Variants in FBXO16 observed in about 807,000 individuals in gnomAD.
FBXO16 encodes F-box only protein 16.
A neutral mutation model predicts 41.0 loss-of-function variants in FBXO16; 31 were observed. The observed-to-expected ratio is 0.76, with a 90% confidence interval of 0.57 to 1.02. The LOEUF (loss-of-function observed/expected upper bound fraction) is 1.02. Ranked by LOEUF, FBXO16 falls within the 50% of genes least tolerant of loss-of-function variation. The pLI is 0.00. For synonymous variants in FBXO16, 133 were observed against 117.8 expected (o/e 1.13, Z -0.84); for missense variants, 361 against 346.2 (o/e 1.04, Z -0.34).
intron 1 of FBXO16, among the ~76,000 whole-genome samples, chr8:28,485,254 C>G (rs1270604705): frequency 6.6e-6 from 1 of 152,180 alleles, no homozygotes; most frequent in African/African-American, 2.4e-5. Flanking sequence ...CTCACTGCAA[C>G]CTGCACCTCC....
At chr8:28,429,914 C>T (rs1802582235) in intron 7 of FBXO16, among the ~76,000 whole-genome samples, 1 of 152,170 alleles carries the variant, frequency 6.6e-6, no homozygotes, top group Non-Finnish European at 1.5e-5. Context: ...ATGTCTCCAT[C>T]CACAGGAAGT....
chr8:28,489,122 A>G (rs1803647579), intron 1 of FBXO16, among the ~76,000 whole-genome samples: 1 of 152,164 alleles, frequency 6.6e-6, no homozygotes, highest in African/African-American at 2.4e-5. Flanking sequence ...ACCTGAGCTC[A>G]GGAGTTCAAG....
chr8:28,429,480 G>C (rs1802576289), intron 7 of FBXO16, 77 bp from the exon 8 acceptor site: 1 of 1,545,932 alleles, frequency 6.5e-7, no homozygotes, highest in Non-Finnish European at 8.9e-7. Context: ...TGAAGGGAGA[G>C]AGAGTGAGGC....
At chr8:28,470,462 G>A (rs2130174634) in intron 3 of FBXO16, among the ~76,000 whole-genome samples, 1 of 152,276 alleles carries the variant, frequency 6.6e-6, no homozygotes, top group South Asian at 2.1e-4. Flanking sequence ...TATTTCTCTA[G>A]TATACATAAA....
Position 28,454,755 on chromosome 8 carries a change from T to A in FBXO16, c.507+2011A>T, listed in dbSNP as rs1476818711. Among the ~76,000 whole-genome samples the A allele has an allele frequency of 3.5e-4, 40 of 113,866 alleles. 5 individuals are homozygous for A. Among genetic ancestry groups the A allele is most frequent in the African/African-American group, 5.9e-4 (16 of 26,936 alleles). 74.7% of individuals were successfully genotyped at this position (113,866 alleles called of 152,430 possible). A position where few individuals can be genotyped will look rare whatever the true frequency, so the allele number is the denominator to read the frequency against. ...AAAAAAAAAAAAAAAAAAAAAAGGA[T>A]CATTAATTCTATATAGTACAAAATG... On this transcript the variant is annotated intron_variant, in intron 5 of 8. Transcript: ENST00000380254.
chr8:28,441,109 C>A (rs181718804), intron 7 of FBXO16, among the ~76,000 whole-genome samples: 13 of 152,156 alleles, frequency 8.5e-5, no homozygotes, highest in African/African-American at 3.1e-4. Context: ...TATTTACATC[C>A]CAGTAACGGC....
At chr8:28,469,186 G>A (rs1803292051) in intron 3 of FBXO16, among the ~76,000 whole-genome samples, 1 of 151,916 alleles carries the variant, frequency 6.6e-6, no homozygotes, top group South Asian at 2.1e-4. Flanking sequence ...GGTGGCACAT[G>A]CCTGTAATCC....
intron 2 of FBXO16, among the ~76,000 whole-genome samples, chr8:28,481,759 G>A (rs1473697829): frequency 6.7e-6 from 1 of 148,620 alleles, no homozygotes; most frequent in African/African-American, 2.5e-5. Flanking sequence ...GTAGTGAGCC[G>A]AGATCGCACC....
rs192670609 is a variant in FBXO16, at chr8:28,446,702, T to C, written c.843+469A>G. On this transcript the variant is annotated intron_variant, in intron 7 of 8. Transcript: ENST00000380254. Reference sequence around the variant, plus strand: ...GTCTGGTCAACATGGAGAAACCCCGTCTCTACTAAAAATACAAAAATTAGC... The same window carrying C: ...GTCTGGTCAACATGGAGAAACCCCGCCTCTACTAAAAATACAAAAATTAGC... Among the ~76,000 whole-genome samples the C allele has an allele frequency of 4.2e-3, 631 of 151,708 alleles. 3 individuals carry two copies. Among genetic ancestry groups the C allele is most frequent in the African/African-American group, 0.015 (601 of 41,378 alleles).
At chr8:28,460,241 A>ATTTTTT (rs1396488352) in intron 4 of FBXO16, among the ~76,000 whole-genome samples, 1 of 93,658 alleles carries the variant, frequency 1.1e-5, no homozygotes, top group African/African-American at 5.7e-5. Context: ...ATATATATAT[A>ATTTTTT]TATATTTTTT....
At chr8:28,467,394 G>A (rs1473659297) in intron 3 of FBXO16, among the ~76,000 whole-genome samples, 1 of 152,062 alleles carries the variant, frequency 6.6e-6, no homozygotes, top group Non-Finnish European at 1.5e-5. Flanking sequence ...TCAGAAATAT[G>A]TCAGCCTCGA....
chr8:28,461,372 C>T (rs1178555267), intron 4 of FBXO16, among the ~76,000 whole-genome samples: 1 of 152,092 alleles, frequency 6.6e-6, no homozygotes, highest in Non-Finnish European at 1.5e-5. Context: ...TATGAAAGTT[C>T]TTGTTTCCCC....
At chr8:28,440,917 A>G (rs1167589174) in intron 7 of FBXO16, among the ~76,000 whole-genome samples, 1 of 151,714 alleles carries the variant, frequency 6.6e-6, no homozygotes, top group East Asian at 1.9e-4. Context: ...AAACAAAGAA[A>G]AGAAACAAGA....
intron 7 of FBXO16, among the ~76,000 whole-genome samples, chr8:28,445,022 G>A (rs1459351868): frequency 2.0e-5 from 3 of 151,886 alleles, no homozygotes; most frequent in Non-Finnish European, 2.9e-5. Context: ...AGTCACACCC[G>A]CCTTGTATCC....
At chr8:28,433,236 C>T (rs1032765801) in intron 7 of FBXO16, among the ~76,000 whole-genome samples, 1 of 152,128 alleles carries the variant, frequency 6.6e-6, no homozygotes, top group Non-Finnish European at 1.5e-5. Context: ...TACCCAATAT[C>T]CTGATGTGCC....
chr8:28,482,101 C>T (rs760058773), intron 2 of FBXO16, among the ~76,000 whole-genome samples: 6 of 152,178 alleles, frequency 3.9e-5, no homozygotes, highest in Admixed American at 6.5e-5. Context: ...TCATGCCACT[C>T]GCTGCTTTGT....
At chr8:28,445,288 T>C (rs1447156246) in intron 7 of FBXO16, among the ~76,000 whole-genome samples, 2 of 152,192 alleles carry the variant, frequency 1.3e-5, no homozygotes, top group African/African-American at 4.8e-5. Flanking sequence ...AGCGCAACTT[T>C]TTAACTTTTT....
At chr8:28,435,081 T>C (rs2130080243) in intron 7 of FBXO16, among the ~76,000 whole-genome samples, 4 of 152,170 alleles carry the variant, frequency 2.6e-5, no homozygotes, top group African/African-American at 9.6e-5. Context: ...TGACAACCTT[T>C]TTGGTACCCA....
At chr8:28,445,684 T>G (rs1481767033) in intron 7 of FBXO16, among the ~76,000 whole-genome samples, 1 of 152,188 alleles carries the variant, frequency 6.6e-6, no homozygotes, top group Non-Finnish European at 1.5e-5. Flanking sequence ...CCTCATCCAG[T>G]CCAACAAAAC....
Sources: allele counts gnomAD v4.1 joint callset (sites outside exome capture counted in the v4.1 genomes callset), GRCh38; gene constraint gnomAD v4.1.1; transcripts MANE v1.5; gene names NCBI Gene and HGNC (gene_info 2026-07-23, HGNC 2026-07-21).